Variants in RAET1G observed in about 807,000 individuals in gnomAD.
RAET1G encodes retinoic acid early transcript 1G.
Under a neutral mutation model 29.5 loss-of-function variants are expected in RAET1G, and 25 were observed. That is an observed-to-expected ratio of 0.85 (90% CI 0.62 to 1.18). The LOEUF (loss-of-function observed/expected upper bound fraction) is 1.18, where lower values mean the gene tolerates loss of function less well. Ranked by LOEUF, RAET1G falls within the 50% of genes most tolerant of loss-of-function variation. The pLI, the probability that RAET1G is intolerant of heterozygous loss-of-function variation, is 0.00. For missense variants in RAET1G, 434 were observed against 423.6 expected, an observed-to-expected ratio of 1.02 and a Z score of -0.22; for synonymous variants, 167 against 159.5, an observed-to-expected ratio of 1.05 and a Z score of -0.36.
Position 149,918,157 on chromosome 6 carries a change from C to T in RAET1G, c.842+17G>A. The T allele has an allele frequency of 1.2e-6, 2 of 1,612,072 alleles. No homozygotes were observed. Among genetic ancestry groups the T allele is most frequent in the Non-Finnish European group, 1.7e-6 (2 of 1,178,300 alleles). ...ACCCACCTGCCCTTTGCTCCACTCC[C>T]AATTCTGCCCCCATACCTGTCACTC... On this transcript the variant is annotated intron_variant, in intron 4 of 4. Transcript: ENST00000367360.
chr6:149,919,207 C>T lies in RAET1G; in HGVS notation c.467G>A (p.Arg156Lys). 6.2e-7 allele frequency: 1 copy of T among 1,614,220 alleles called. No individual in the cohort carries two copies. Among genetic ancestry groups the T allele is most frequent in the African/African-American group, 1.3e-5 (1 of 75,052 alleles). Residue 156 changes from arginine to lysine, a missense_variant, in exon 3 of 5, where the codon AGA (arginine) becomes AAA (lysine). Arg to Lys is a conservative substitution (Grantham distance 26, BLOSUM62 2). Transcript: ENST00000367360. ...TCCAGGATGAACCGTTGTCCACATTCTGTTTTCTGAGTCAAAGAGGAGGAA... is the reference window on the plus strand; with the variant it reads ...TCCAGGATGAACCGTTGTCCACATTTTGTTTTCTGAGTCAAAGAGGAGGAA... ...QIFLLFDSEN[R>K]MWTTVHPGAR...
intron 1 of RAET1G, among the ~76,000 whole-genome samples, chr6:149,920,267 T>A (rs1449322992): frequency 6.6e-6 from 1 of 152,188 alleles, no homozygotes; most frequent in Non-Finnish European, 1.5e-5. Context: ...GAGTTAATTA[T>A]CATGGTCACA....
At chr6:149,919,865 G>C (rs1778557101) in intron 1 of RAET1G, 49 bp from the exon 2 acceptor site, 2 of 1,612,026 alleles carry the variant, frequency 1.2e-6, no homozygotes, top group African/African-American at 1.3e-5. Context: ...AAGACCCCTA[G>C]ATACCCCTCC....
intron 1 of RAET1G, among the ~76,000 whole-genome samples, chr6:149,921,725 A>G (rs1778604336): frequency 6.6e-6 from 1 of 151,710 alleles, no homozygotes. Flanking sequence ...GAACCATGGG[A>G]CCCCCACTCC....
chr6:149,917,772 C>T (rs1416587653), intron 4 of RAET1G, among the ~76,000 whole-genome samples: 1 of 152,188 alleles, frequency 6.6e-6, no homozygotes, highest in Admixed American at 6.5e-5. Context: ...TCCCCCTTCC[C>T]TTGTCATACC....
rs1778464696 is a variant in RAET1G at position 149,917,220 on chromosome 6, G to C, written c.843-146C>G. On this transcript the variant is annotated intron_variant, in intron 4 of 4. Transcript: ENST00000367360. ...GAACATGAAAGTGGACCAGGAGCGTGACCCTGAAGCACAGCATCACAGGGA... is the reference window on the plus strand; with the variant it reads ...GAACATGAAAGTGGACCAGGAGCGTCACCCTGAAGCACAGCATCACAGGGA... The C allele has an allele frequency of 2.4e-6, 3 of 1,232,046 alleles. No homozygotes were observed. The South Asian group carries it at 7.0e-5, about 29-fold the overall frequency. The allele number at this position is 1,232,046 out of a possible 1,614,324, so 76.3% of individuals were successfully genotyped here.
At chr6:149,922,830 C>T (rs1283991661) in intron 1 of RAET1G, 96 bp downstream of exon 1, 1 of 816,260 alleles carries the variant, frequency 1.2e-6, no homozygotes, top group South Asian at 1.8e-5. Flanking sequence ...GGTGATCGCA[C>T]GGGTCCTTCC....
At position 149,917,026 on chromosome 6, in the gene RAET1G, C is replaced by T. The variant is rs1243822225; in HGVS notation, c.891G>A (p.Val297=). The T allele has an allele frequency of 2.6e-6, 4 of 1,550,318 alleles. No individual in the cohort carries two copies. In the Admixed American group the frequency reaches 5.9e-5, roughly 23 times the overall value. The part of the protein sequence containing the change: ...RPLSGGHVTR[V]TLPIIGDDSH... ...AGTCGTCTCCAATGATAGGTAAAGT[C>T]ACGCGAGTCACGTGTCCACCAGACA... The change falls in exon 5 of 5, where the codon GTG becomes GTA. Residue 297 remains valine (V), a synonymous_variant. Coordinates refer to ENST00000367360, the MANE Select transcript of RAET1G (RefSeq NM_001001788.4).
intron 3 of RAET1G, 130 bp from the exon 4 acceptor site, chr6:149,918,514 C>G (rs1370910101): frequency 9.2e-7 from 1 of 1,082,418 alleles, no homozygotes; most frequent in South Asian, 1.5e-5. Context: ...GGGGCAGCCC[C>G]TGGGAGAGTT....
Position 149,923,081 on chromosome 6 carries a change from G to T in RAET1G, c.-71C>A. 2.5e-6 allele frequency: 2 copies of T among 801,224 alleles called. No individual in the cohort carries two copies. The highest frequency in any genetic ancestry group is 3.4e-6 in the Non-Finnish European group (2 of 594,142). The allele number at this position is 801,224 out of a possible 1,614,324, so 49.6% of individuals were successfully genotyped here. ...TGGATCACCTGGCGGCTCGCAGGCTGTCTGAATGCAGCCCGTCTGAATGCA... is the reference window on the plus strand; with the variant it reads ...TGGATCACCTGGCGGCTCGCAGGCTTTCTGAATGCAGCCCGTCTGAATGCA... On this transcript the variant is annotated 5_prime_UTR_variant, in exon 1 of 5. Coordinates refer to ENST00000367360, the MANE Select transcript of RAET1G (RefSeq NM_001001788.4).
chr6:149,918,546 G>A (rs1778508165), intron 3 of RAET1G, among the ~76,000 whole-genome samples, 162 bp from the exon 4 acceptor site: 1 of 152,138 alleles, frequency 6.6e-6, no homozygotes. Flanking sequence ...AAGGGAGAGG[G>A]GGTGTCCCTT....
rs1370915139 is a variant in RAET1G, at chr6:149,918,396, G to A, written c.632-12C>T. On this transcript the variant is annotated splice_polypyrimidine_tract_variant and intron_variant, in intron 3 of 4. Transcript: ENST00000367360. ...CATGGTGGGTGGTGCTGAAATGGAA[G>A]CACAAGAGTGACAACCCTTGTCCAG... The A allele has an allele frequency of 3.7e-6, 6 of 1,613,262 alleles. No homozygotes were observed. The highest frequency in any genetic ancestry group is 4.2e-6 in the Non-Finnish European group (5 of 1,179,346).
intron 1 of RAET1G, among the ~76,000 whole-genome samples, chr6:149,921,284 T>C (rs1050195853): frequency 3.9e-5 from 6 of 152,196 alleles, no homozygotes; most frequent in Non-Finnish European, 7.3e-5. Flanking sequence ...CAATGTCTAA[T>C]TGGAGAATCA....
Position 149,919,756 on chromosome 6 carries a change from C to T in RAET1G, c.146G>A (p.Trp49Ter). The T allele has an allele frequency of 6.2e-7, 1 of 1,612,654 alleles. No homozygotes were observed. The highest frequency in any genetic ancestry group is 8.5e-7 in the Non-Finnish European group (1 of 1,179,858). Reference protein sequence around the residue: ...VIPKFRPGPRWCAVQGQVDEK... With the variant: ...VIPKFRPGPR ...ATCCACCTGGCCTTGAACCGCACAC[C>T]ACCGTGGTCCAGGTCTGAACTTAGG... The change falls in exon 2 of 5, where the codon TGG (tryptophan) becomes TAG (stop). Residue 49 changes from tryptophan (W) to a stop codon, truncating the protein, a stop_gained. Transcript: ENST00000367360. LOFTEE classifies it high-confidence loss of function.
intron 1 of RAET1G, 64 bp from the exon 2 acceptor site, chr6:149,919,880 C>T (rs1778557892): frequency 1.2e-6 from 2 of 1,611,892 alleles, no homozygotes; most frequent in Non-Finnish European, 8.5e-7. Flanking sequence ...CCCTCCTCCA[C>T]ACTGTGACAA....
rs896763942 is a variant in RAET1G, at chr6:149,919,874, C to T, written c.86-58G>A. On this transcript the variant is annotated intron_variant, in intron 1 of 4. Transcript: ENST00000367360. Reference sequence around the variant, plus strand: ...GAGGAAAAGACCCCTAGATACCCCTCCTCCACACTGTGACAATAAGAGGAA... The same window carrying T: ...GAGGAAAAGACCCCTAGATACCCCTTCTCCACACTGTGACAATAAGAGGAA... The T allele has an allele frequency of 7.4e-6, 12 of 1,611,846 alleles. No homozygotes were observed. In the Admixed American group the frequency reaches 1.2e-4, roughly 16 times the overall value.
In RAET1G at chr6:149,917,075, C is replaced by CGAAGCGGAGAGAGAGAGGTAT; in HGVS notation, c.843-2_843-1insATACCTCTCTCTCTCCGCTTC. The CGAAGCGGAGAGAGAGAGGTAT allele has an allele frequency of 6.5e-7, 1 of 1,544,570 alleles. No homozygotes were observed. Among genetic ancestry groups the CGAAGCGGAGAGAGAGAGGTAT allele is most frequent in the Non-Finnish European group, 8.7e-7 (1 of 1,143,874 alleles). Reference sequence around the variant, plus strand: ...CAAGGGGCGCTTCGCTATTTGGTAGCTGAGGCGGAGAGAGAGAGGACAGCT... The same window carrying CGAAGCGGAGAGAGAGAGGTAT: ...CAAGGGGCGCTTCGCTATTTGGTAGCGAAGCGGAGAGAGAGAGGTATTGAGGCGGAGAGAGAGAGGACAGCT... On this transcript the variant is annotated splice_acceptor_variant, in intron 4 of 4. Coordinates refer to ENST00000367360, the MANE Select transcript of RAET1G (RefSeq NM_001001788.4). LOFTEE classifies it high-confidence loss of function.
Position 149,923,048 on chromosome 6 carries a change from C to T in RAET1G, c.-38G>A. ...TCGCAGGGGACAGCAGAAGCGAAGC[C>T]CAGCCCGTGGATCACCTGGCGGCTC... is the stretch of plus-strand genomic sequence containing the variant. On this transcript the variant is annotated 5_prime_UTR_variant, in exon 1 of 5. Coordinates refer to ENST00000367360, the MANE Select transcript of RAET1G (RefSeq NM_001001788.4). 3 of 1,492,008 alleles carry T rather than the reference C, an allele frequency of 2.0e-6. No homozygotes were observed. The highest frequency in any genetic ancestry group is 2.7e-6 in the Non-Finnish European group (3 of 1,096,484). The allele number at this position is 1,492,008 out of a possible 1,614,324, so 92.4% of individuals were successfully genotyped here.
chr6:149,917,185 G>C, intron 4 of RAET1G, 111 bp from the exon 5 acceptor site: 1 of 1,394,594 alleles, frequency 7.2e-7, no homozygotes, highest in Non-Finnish European at 9.4e-7. Flanking sequence ...GGAGCCAGGT[G>C]TACAGGGCGG....
Sources: gnomAD v4.1 joint callset for allele counts (sites outside exome capture counted in the v4.1 genomes callset) on GRCh38, gnomAD v4.1.1 for gene constraint, MANE v1.5 for transcripts, NCBI Gene and HGNC (gene_info 2026-07-23, HGNC 2026-07-21) for gene names.